Variants in C6orf58 observed in about 807,000 individuals in gnomAD.
C6orf58 encodes chromosome 6 open reading frame 58, also known as protein LEG1 homolog.
C6orf58 carries 30 observed loss-of-function variants against 37.0 expected under a neutral mutation model. The ratio of observed to expected loss-of-function variants is 0.81; its 90% CI spans 0.61 to 1.10. C6orf58 has a LOEUF of 1.10. Among genes scored for constraint, C6orf58 ranks in the 50% least tolerant of loss-of-function variants. The pLI is 0.00. For missense variants in C6orf58, 368 were observed against 387.5 expected (o/e 0.95, Z 0.42); for synonymous variants, 143 against 134.1 (o/e 1.07, Z -0.46).
At chr6:127,580,577 A>G (rs2060527887) in intron 3 of C6orf58, 128 bp downstream of exon 3, 1 of 640,590 alleles carries the variant, frequency 1.6e-6, no homozygotes, top group African/African-American at 1.8e-5. Flanking sequence ...TGCATGATAT[A>G]TTAATAGTAT....
chr6:127,591,780 T>A lies in C6orf58; in HGVS notation c.*158T>A, dbSNP rs183283720. The A allele has an allele frequency of 1.7e-5, 10 of 590,364 alleles. No homozygotes were observed. Among genetic ancestry groups the A allele is most frequent in the Non-Finnish European group, 2.5e-5 (10 of 405,776 alleles). 36.6% of individuals were successfully genotyped at this position (590,364 alleles called of 1,614,324 possible). Reference sequence around the variant, plus strand: ...TGCTTATTTGTTAAGATCTTGTACATGTATTAAAAACTTAAATTAAATGCA... The same window carrying A: ...TGCTTATTTGTTAAGATCTTGTACAAGTATTAAAAACTTAAATTAAATGCA... On this transcript the variant is annotated 3_prime_UTR_variant, in exon 6 of 6. Coordinates refer to ENST00000329722, the MANE Select transcript of C6orf58 (RefSeq NM_001010905.3).
chr6:127,586,255 G>A (rs117029279), intron 4 of C6orf58, among the ~76,000 whole-genome samples: 80 of 152,292 alleles, frequency 5.3e-4, no homozygotes, highest in Admixed American at 1.6e-3. Context: ...CAGACTTTCA[G>A]TCAGGCACAC....
In C6orf58 at chr6:127,584,824, G is replaced by A. The variant is rs111553458; in HGVS notation, c.674+3542G>A. Among the ~76,000 whole-genome samples the A allele has an allele frequency of 1.4e-4, 21 of 151,726 alleles. 2 individuals are homozygous for A. The highest frequency in any genetic ancestry group is 4.1e-4 in the African/African-American group (17 of 41,398). On this transcript the variant is annotated intron_variant, in intron 4 of 5. Transcript: ENST00000329722. ...AGTCAGTTTTGTATTTCCAAATCAG[G>A]TCAATAGCTTGCTTATTAAATAGGT...
At chr6:127,578,538 TAAAAA>T (rs1162327276) in intron 1 of C6orf58, 143 bp from the exon 2 acceptor site, 1 of 489,978 alleles carries the variant, frequency 2.0e-6, no homozygotes, top group African/African-American at 2.0e-5. Flanking sequence ...AAATAAAAGA[TAAAAA>T]AAGAATGATG....
chr6:127,586,725 C>G (rs558495247), intron 4 of C6orf58, among the ~76,000 whole-genome samples: 1 of 152,306 alleles, frequency 6.6e-6, no homozygotes, highest in East Asian at 1.9e-4. Context: ...GAAGGCCTGG[C>G]TGTTAGTATT....
chr6:127,581,266 A>G lies in C6orf58; in HGVS notation c.658A>G (p.Lys220Glu). The G allele has an allele frequency of 6.7e-7, 1 of 1,503,504 alleles. No homozygotes were observed. The highest frequency in any genetic ancestry group is 9.0e-7 in the Non-Finnish European group (1 of 1,112,030). 93.1% of individuals were successfully genotyped at this position (1,503,504 alleles called of 1,614,324 possible). Residue 220 changes from lysine to glutamate, a missense_variant, in exon 4 of 6, where the codon AAA (lysine) becomes GAA (glutamate). Coordinates refer to ENST00000329722, the MANE Select transcript of C6orf58 (RefSeq NM_001010905.3). ...AHTSTLADNI[K>E]SFEDRYDYYS... ...CACTTCAACCTTGGCAGATAATATC[A>G]AAAGTTTTGAAGACAGGTAAGAATG...
At chr6:127,586,769 A>G (rs1775111599) in intron 4 of C6orf58, among the ~76,000 whole-genome samples, 1 of 152,200 alleles carries the variant, frequency 6.6e-6, no homozygotes, top group Non-Finnish European at 1.5e-5. Flanking sequence ...AAGCAAGGGG[A>G]GAGTGTCTTT....
intron 5 of C6orf58, among the ~76,000 whole-genome samples, chr6:127,590,648 A>T (rs1246505360): frequency 4.5e-5 from 6 of 134,596 alleles, no homozygotes; most frequent in East Asian, 2.0e-4. Flanking sequence ...CAGATCATTT[A>T]AAAAAAAAAA....
In C6orf58 at chr6:127,590,118, T is replaced by A. The variant is rs781287818; in HGVS notation, c.706T>A (p.Phe236Ile). Residue 236 changes from phenylalanine to isoleucine, a missense_variant, in exon 5 of 6, where the codon TTT (phenylalanine) becomes ATT (isoleucine). By Grantham distance (21) the Phe-to-Ile change is conservative (BLOSUM62 0). Transcript: ENST00000329722. Reference protein sequence around the residue: ...YDYYSKAEAHFERSWVLAVDH... With the variant: ...YDYYSKAEAHIERSWVLAVDH... ...TTATTATTCTAAAGCAGAAGCGCAT[T>A]TTGAGAGAAGTTGGGTACTGGCTGT... 3.1e-6 allele frequency: 5 copies of A among 1,613,470 alleles called. No individual in the cohort carries two copies. The East Asian group carries it at 1.1e-4, about 36-fold the overall frequency.
At chr6:127,582,756 C>T (rs1335245092) in intron 4 of C6orf58, among the ~76,000 whole-genome samples, 1 of 152,118 alleles carries the variant, frequency 6.6e-6, no homozygotes, top group East Asian at 1.9e-4. Context: ...TTAAGAGTTG[C>T]AGACCAATAT....
In C6orf58 at chr6:127,580,514, A is replaced by AT. The variant is rs375956851; in HGVS notation, c.573+72dup. On this transcript the variant is annotated intron_variant, in intron 3 of 5. Transcript: ENST00000329722. ...ATTTTGTCATATAATTTCGTCTAGG[A>AT]TTTTTTTGTGCATTACATAATATTT... is the stretch of plus-strand genomic sequence containing the variant. 2.1e-4 allele frequency: 269 copies of AT among 1,291,570 alleles called. 1 individual carries two copies. The African/African-American group carries it at 3.5e-3, about 17-fold the overall frequency. The allele number at this position is 1,291,570 out of a possible 1,614,324, so 80.0% of individuals were successfully genotyped here. A position where few individuals can be genotyped will look rare whatever the true frequency, so the allele number is the denominator to read the frequency against.
At chr6:127,582,237 A>T (rs142279237) in intron 4 of C6orf58, among the ~76,000 whole-genome samples, 1 of 152,172 alleles carries the variant, frequency 6.6e-6, no homozygotes. Flanking sequence ...GAATAGCTGC[A>T]TAAGAGGATT....
In C6orf58 at chr6:127,590,187, T is replaced by A. The variant is rs756975963; in HGVS notation, c.775T>A (p.Ser259Thr). Residue 259 changes from serine (S) to threonine (T), a missense_variant, in exon 5 of 6, where the codon TCA (serine) becomes ACA (threonine). Transcript: ENST00000329722. ...AVLFPTTLIR[S>T]YKFQKGMPPR... ...CCTCTTTCCTACAACCTTGATTAGA[T>A]CATATAAGTTCCAGAAGGGCATGCC... 17 of 1,613,808 alleles carry A rather than the reference T, an allele frequency of 1.1e-5. No individual in the cohort carries two copies. The South Asian group carries it at 1.9e-4, about 18-fold the overall frequency.
chr6:127,582,971 A>G (rs1775066175), intron 4 of C6orf58, among the ~76,000 whole-genome samples: 1 of 152,244 alleles, frequency 6.6e-6, no homozygotes, highest in African/African-American at 2.4e-5. Flanking sequence ...AGTCAGCATT[A>G]TGAGTCAGCA....
intron 4 of C6orf58, among the ~76,000 whole-genome samples, chr6:127,587,184 G>C (rs1159328237): frequency 6.6e-6 from 1 of 151,766 alleles, no homozygotes; most frequent in Non-Finnish European, 1.5e-5. Flanking sequence ...TTTATTTCTT[G>C]TGTCATTTTT....
Position 127,580,463 on chromosome 6 carries a change from AC to A in C6orf58, c.573+15del, listed in dbSNP as rs1469089752. ...ACCTTTTACCAGGTTCCTTCTTTATACTCTTACGAGATAGGAAGAGAGTTTA... is the reference window on the plus strand; with the variant it reads ...ACCTTTTACCAGGTTCCTTCTTTATATCTTACGAGATAGGAAGAGAGTTTA... On this transcript the variant is annotated intron_variant, in intron 3 of 5. Coordinates refer to ENST00000329722, the MANE Select transcript of C6orf58 (RefSeq NM_001010905.3). 3 of 1,593,790 alleles carry A rather than the reference AC, an allele frequency of 1.9e-6. No homozygotes were observed. In the African/African-American group the frequency reaches 4.0e-5, roughly 21 times the overall value.
rs1447469735 is a variant in C6orf58 at position 127,591,720 on chromosome 6, C to T, written c.*98C>T. 3 of 1,046,074 alleles carry T rather than the reference C, an allele frequency of 2.9e-6. No individual in the cohort carries two copies. The highest frequency in any genetic ancestry group is 3.8e-6 in the Non-Finnish European group (3 of 790,682). 64.8% of individuals were successfully genotyped at this position (1,046,074 alleles called of 1,614,324 possible). A position where few individuals can be genotyped will look rare whatever the true frequency, so the allele number is the denominator to read the frequency against. ...TTTCAAAAAATTAATGTCATCATGACCATGTAGTTTATTCTTTCTGATATT... is the reference window on the plus strand; with the variant it reads ...TTTCAAAAAATTAATGTCATCATGATCATGTAGTTTATTCTTTCTGATATT... On this transcript the variant is annotated 3_prime_UTR_variant, in exon 6 of 6. Transcript: ENST00000329722.
intron 4 of C6orf58, among the ~76,000 whole-genome samples, chr6:127,583,572 G>A (rs557692077): frequency 6.6e-6 from 1 of 152,034 alleles, no homozygotes; most frequent in Admixed American, 6.6e-5. Context: ...CAGTCCCAGG[G>A]GTCTGGAGGG....
intron 4 of C6orf58, among the ~76,000 whole-genome samples, chr6:127,582,390 C>T (rs1407360677): frequency 6.6e-6 from 1 of 152,122 alleles, no homozygotes; most frequent in Non-Finnish European, 1.5e-5. Context: ...GAAAAATCTA[C>T]TTGTTTTAAC....
Sources: allele counts gnomAD v4.1 joint callset (sites outside exome capture counted in the v4.1 genomes callset), GRCh38; gene constraint gnomAD v4.1.1; transcripts MANE v1.5; gene names NCBI Gene and HGNC (gene_info 2026-07-23, HGNC 2026-07-21).